FAM3C: variants seen among roughly 807,000 people sequenced by gnomAD.
The protein encoded by FAM3C is FAM3 metabolism regulating signaling molecule C.
Under a neutral mutation model 32.5 loss-of-function variants are expected in FAM3C, and 15 were observed. That is an observed-to-expected ratio of 0.46 (90% confidence interval 0.31 to 0.71). The LOEUF is 0.71. Among genes scored for constraint, FAM3C ranks in the 30% least tolerant of loss-of-function variants. FAM3C has a pLI of 0.05. For missense variants in FAM3C, 175 were observed against 274.4 expected (o/e 0.64, Z 2.56); for synonymous variants, 75 against 86.1 (o/e 0.87, Z 0.72).
intron 5 of FAM3C, 48 bp from the exon 6 acceptor site, chr7:121,364,236 T>A (rs1793980611): frequency 8.5e-7 from 1 of 1,183,008 alleles, no homozygotes; most frequent in African/African-American, 1.5e-5. Context: ...TATTGTACAA[T>A]AACATATCAG....
Position 121,396,281 on chromosome 7 carries a change from C to T in FAM3C, c.-161G>A, listed in dbSNP as rs1448538145. On this transcript the variant is annotated 5_prime_UTR_variant, in exon 1 of 10. Coordinates refer to ENST00000359943, the MANE Select transcript of FAM3C (RefSeq NM_014888.3). ...TCGCGCCTCCGCTTCCTCTCGGACT[C>T]CTCCGGCTGCCCCTCACCCCGGCAA... 6.6e-6 allele frequency: 1 copy of T among 152,368 alleles called. No individual in the cohort carries two copies. The highest frequency in any genetic ancestry group is 6.5e-5 in the Admixed American group (1 of 15,284). 9.4% of individuals were successfully genotyped at this position (152,368 alleles called of 1,614,324 possible).
At chr7:121,385,321 G>A (rs1405848941) in intron 1 of FAM3C, among the ~76,000 whole-genome samples, 2 of 152,064 alleles carry the variant, frequency 1.3e-5, no homozygotes, top group Non-Finnish European at 2.9e-5. Context: ...GTGTTACATA[G>A]GCCAAAATTT....
chr7:121,383,090 T>C (rs770577180), intron 1 of FAM3C, 80 bp from the exon 2 acceptor site: 1 of 687,634 alleles, frequency 1.5e-6, no homozygotes, highest in Non-Finnish European at 2.4e-6. Flanking sequence ...AAATGGGGCA[T>C]ATAAACTAGT....
intron 8 of FAM3C, among the ~76,000 whole-genome samples, chr7:121,356,806 TA>T (rs1482959737): frequency 1.8e-4 from 28 of 152,156 alleles, no homozygotes; most frequent in African/African-American, 6.8e-4. Context: ...TTCAAACCAT[TA>T]TCTCCTTTAT....
chr7:121,386,223 A>G (rs1794461967), intron 1 of FAM3C, among the ~76,000 whole-genome samples: 1 of 152,138 alleles, frequency 6.6e-6, no homozygotes, highest in African/African-American at 2.4e-5. Flanking sequence ...TAATATTAAC[A>G]AACAGCACTT....
In FAM3C at chr7:121,349,662, T is replaced by C. The variant is rs1482462436; in HGVS notation, c.*799A>G. 6.6e-6 allele frequency: 1 copy of C among 152,298 alleles called. No individual in the cohort carries two copies. Among genetic ancestry groups the C allele is most frequent in the Non-Finnish European group, 1.5e-5 (1 of 67,994 alleles). The allele number at this position is 152,298 out of a possible 1,614,324, so 9.4% of individuals were successfully genotyped here. A position where few individuals can be genotyped will look rare whatever the true frequency, so the allele number is the denominator to read the frequency against. On this transcript the variant is annotated 3_prime_UTR_variant, in exon 10 of 10. Coordinates refer to ENST00000359943, the MANE Select transcript of FAM3C (RefSeq NM_014888.3). ...AAACGTATGCTAGTATTGCTCTAAATATACTGACTTAGCTGTCCTGAATGA... is the reference window on the plus strand; with the variant it reads ...AAACGTATGCTAGTATTGCTCTAAACATACTGACTTAGCTGTCCTGAATGA...
rs1458187355 is a variant in FAM3C at position 121,369,227 on chromosome 7, C to T, written c.272+2073G>A. On this transcript the variant is annotated intron_variant, in intron 5 of 9. Coordinates refer to ENST00000359943, the MANE Select transcript of FAM3C (RefSeq NM_014888.3). ...GACTCCTGACCTCAGGTGATCCACC[C>T]GCTTCGACCTCCCAAAGTGCTGGGA... Among the ~76,000 whole-genome samples the T allele has an allele frequency of 3.9e-5, 6 of 151,980 alleles. No individual in the cohort carries two copies. In the South Asian group the frequency reaches 1.2e-3, roughly 32 times the overall value.
intron 7 of FAM3C, among the ~76,000 whole-genome samples, chr7:121,362,186 G>C (rs1431755294): frequency 6.6e-6 from 1 of 152,134 alleles, no homozygotes; most frequent in Non-Finnish European, 1.5e-5. Context: ...TCAAACTGGA[G>C]GAAAAAAACC....
At chr7:121,364,248 AAAAT>A (rs1793980806) in intron 5 of FAM3C, 60 bp from the exon 6 acceptor site, 1 of 1,132,104 alleles carries the variant, frequency 8.8e-7, no homozygotes, top group Admixed American at 1.9e-5. Context: ...ACATATCAGA[AAAAT>A]AAAGTCTTGC....
At chr7:121,375,163 T>C (rs1156898976) in intron 3 of FAM3C, among the ~76,000 whole-genome samples, 3 of 152,200 alleles carry the variant, frequency 2.0e-5, no homozygotes, top group East Asian at 3.8e-4. Flanking sequence ...ATATAAGTAC[T>C]ATGCAATCAG....
chr7:121,370,688 C>G (rs1315013466), intron 5 of FAM3C, among the ~76,000 whole-genome samples: 1 of 152,194 alleles, frequency 6.6e-6, no homozygotes, highest in Non-Finnish European at 1.5e-5. Flanking sequence ...TAGAGGCAAG[C>G]AGTTTGTGCT....
At chr7:121,384,418 T>C (rs1794425437) in intron 1 of FAM3C, among the ~76,000 whole-genome samples, 2 of 152,226 alleles carry the variant, frequency 1.3e-5, no homozygotes, top group South Asian at 2.1e-4. Context: ...TGTTGGCTTC[T>C]GGCAAAACTG....
intron 1 of FAM3C, among the ~76,000 whole-genome samples, chr7:121,395,250 T>C (rs868146550): frequency 4.2e-5 from 2 of 47,830 alleles, no homozygotes; most frequent in African/African-American, 1.8e-4. Context: ...TACATATATA[T>C]GGATACATAC....
rs1265640004 is a variant in FAM3C at position 121,349,923 on chromosome 7, C to A, written c.*538G>T. The A allele has an allele frequency of 6.9e-6, 1 of 144,976 alleles. No individual in the cohort carries two copies. Among genetic ancestry groups the A allele is most frequent in the African/African-American group, 2.6e-5 (1 of 38,094 alleles). The allele number at this position is 144,976 out of a possible 1,614,324, so 9.0% of individuals were successfully genotyped here. ...ATGTATGTTTTCATATTAAACATTC[C>A]TCAGTTTCTTGGGAAGGAAAGAAAA... On this transcript the variant is annotated 3_prime_UTR_variant, in exon 10 of 10. Transcript: ENST00000359943.
chr7:121,358,144 A>C (rs997984054), intron 8 of FAM3C, among the ~76,000 whole-genome samples: 1 of 152,172 alleles, frequency 6.6e-6, no homozygotes, highest in African/African-American at 2.4e-5. Flanking sequence ...TATGGATTTA[A>C]TATATTCTTA....
chr7:121,393,746 A>C (rs917575610), intron 1 of FAM3C, among the ~76,000 whole-genome samples: 6 of 152,204 alleles, frequency 3.9e-5, no homozygotes, highest in African/African-American at 1.4e-4. Context: ...AAACCTTTTA[A>C]AAGTTCAAAG....
chr7:121,359,811 A>G (rs1793884052), intron 8 of FAM3C, among the ~76,000 whole-genome samples: 1 of 152,074 alleles, frequency 6.6e-6, no homozygotes, highest in African/African-American at 2.4e-5. Context: ...ACAAAACATA[A>G]AAGTATAAAA....
At chr7:121,393,513 C>A (rs527561871) in intron 1 of FAM3C, among the ~76,000 whole-genome samples, 1 of 152,130 alleles carries the variant, frequency 6.6e-6, no homozygotes, top group East Asian at 1.9e-4. Flanking sequence ...GAAGAAAAAA[C>A]TCACTGAAGT....
chr7:121,373,176 GTCAGGATTTTAACTACTTAAAA>G (rs138705969), intron 3 of FAM3C, among the ~76,000 whole-genome samples: 38,913 of 151,964 alleles, frequency 0.26, 5,957 homozygotes, highest in African/African-American at 0.44. Flanking sequence ...AGTACTTAAA[GTCAGGATTTTAACTACTTAAAA>G]TCAGGATTTT....
Sources: allele counts gnomAD v4.1 joint callset (sites outside exome capture counted in the v4.1 genomes callset), GRCh38; gene constraint gnomAD v4.1.1; transcripts MANE v1.5; gene names NCBI Gene and HGNC (gene_info 2026-07-23, HGNC 2026-07-21).